FIRRM: variants seen among roughly 807,000 people sequenced by gnomAD.
The protein encoded by FIRRM is FIGNL1 interacting regulator of recombination and mitosis, also known as FIGNL1-interacting regulator of recombination and mitosis.
the FIRRM span, among the ~76,000 whole-genome samples, chr1:169,812,756 C>T: frequency 6.6e-6 from 1 of 151,614 alleles, no homozygotes; most frequent in South Asian, 2.1e-4. Flanking sequence ...ACTTGGGAGG[C>T]TGAGGCAGGA....
At chr1:169,825,332 T>G in the FIRRM span, among the ~76,000 whole-genome samples, 2 of 152,250 alleles carry the variant, frequency 1.3e-5, no homozygotes, top group African/African-American at 4.8e-5. Context: ...TGTTTTATTT[T>G]TCTTCTTTAC....
the FIRRM span, among the ~76,000 whole-genome samples, chr1:169,846,279 A>G: frequency 1.3e-5 from 2 of 152,184 alleles, no homozygotes; most frequent in Non-Finnish European, 2.9e-5. Flanking sequence ...GATAGAGTAC[A>G]TGCAGAGTAG....
the FIRRM span, among the ~76,000 whole-genome samples, chr1:169,819,126 A>G: frequency 2.0e-5 from 3 of 152,218 alleles, no homozygotes; most frequent in Non-Finnish European, 4.4e-5. Flanking sequence ...TAAGTGTCCC[A>G]TTTGTATACT....
chr1:169,803,351 A>G, the FIRRM span: 28 of 1,586,020 alleles, frequency 1.8e-5, no homozygotes, highest in Non-Finnish European at 2.3e-5. Flanking sequence ...TATATAATCA[A>G]TGTGCATAGG....
At chr1:169,844,808 A>G in the FIRRM span, among the ~76,000 whole-genome samples, 1 of 152,200 alleles carries the variant, frequency 6.6e-6, no homozygotes, top group East Asian at 1.9e-4. Flanking sequence ...TAAAATTTCT[A>G]AATAAGTAGA....
At chr1:169,813,465 G>A in the FIRRM span, among the ~76,000 whole-genome samples, 30 of 152,282 alleles carry the variant, frequency 2.0e-4, no homozygotes, top group South Asian at 5.6e-3. Flanking sequence ...TATCTAACAT[G>A]GAAGGTTAAA....
At chr1:169,800,997 A>T in the FIRRM span, 16 of 1,197,844 alleles carry the variant, frequency 1.3e-5, no homozygotes, top group Non-Finnish European at 1.9e-5. Flanking sequence ...CTGAAAATAC[A>T]TGTTATAAGG....
chr1:169,828,552 G>GT, the FIRRM span, among the ~76,000 whole-genome samples: 518 of 146,824 alleles, frequency 3.5e-3, 3 homozygotes, highest in Admixed American at 5.0e-3. Context: ...GTTTTGTTTT[G>GT]TTTTTTTTTT....
chr1:169,825,348 T>G, the FIRRM span, among the ~76,000 whole-genome samples: 1 of 152,226 alleles, frequency 6.6e-6, no homozygotes, highest in African/African-American at 2.4e-5. Flanking sequence ...TTTACAGCAT[T>G]GAATTAACCT....
the FIRRM span, among the ~76,000 whole-genome samples, chr1:169,801,147 T>A: frequency 6.6e-6 from 1 of 151,926 alleles, no homozygotes. Flanking sequence ...ATTAGGCAGT[T>A]AAAAACTGTT....
At chr1:169,800,864 T>A in the FIRRM span, 3 of 1,280,644 alleles carry the variant, frequency 2.3e-6, no homozygotes, top group East Asian at 4.7e-5. Flanking sequence ...TTTTATAAAA[T>A]TTGTTATTTG....
chr1:169,785,389 G>C, the FIRRM span, among the ~76,000 whole-genome samples: 1 of 152,198 alleles, frequency 6.6e-6, no homozygotes, highest in African/African-American at 2.4e-5. Flanking sequence ...TTGGTACCCA[G>C]GTCCTTGTCT....
the FIRRM span, among the ~76,000 whole-genome samples, chr1:169,810,834 ATTTTTTTTTTTTTTTTTTTTTT>A: frequency 1.6e-5 from 1 of 61,208 alleles, no homozygotes; most frequent in East Asian, 5.5e-4. Context: ...TTAGCCCCCA[ATTTTTTTTTTTTTTTTTTTTTT>A]TTTTTTTTTT....
the FIRRM span, chr1:169,827,806 T>C: frequency 6.2e-7 from 1 of 1,614,078 alleles, no homozygotes; most frequent in African/African-American, 1.3e-5. Flanking sequence ...AACCCTGTGG[T>C]GCACAGACAG....
chr1:169,804,299 A>C, the FIRRM span: 3 of 1,123,066 alleles, frequency 2.7e-6, no homozygotes, highest in African/African-American at 4.8e-5. Flanking sequence ...TATCAATTAA[A>C]ATTGTCTCTA....
chr1:169,844,282 G>A, the FIRRM span, among the ~76,000 whole-genome samples: 2 of 152,214 alleles, frequency 1.3e-5, no homozygotes, highest in South Asian at 4.1e-4. Flanking sequence ...GAACCCTTGT[G>A]GTGCCTCAGC....
At chr1:169,849,871 C>A in the FIRRM span, 2 of 489,750 alleles carry the variant, frequency 4.1e-6, no homozygotes, top group African/African-American at 1.9e-5. Flanking sequence ...CAGACACAGT[C>A]TTCCAGCAGA....
At chr1:169,853,039 TA>T in the FIRRM span, 1 of 1,561,522 alleles carries the variant, frequency 6.4e-7, no homozygotes, top group Non-Finnish European at 8.8e-7. Flanking sequence ...TGAAAATACT[TA>T]TGTCTGTACA....
At chr1:169,795,301 AGGCTGGGTTATATTACCGC>A in the FIRRM span, 20 of 1,447,508 alleles carry the variant, frequency 1.4e-5, no homozygotes, top group Non-Finnish European at 1.8e-5. Flanking sequence ...ACCCACCGCC[AGGCTGGGTTATATTACCGC>A]GGCCTGAACC....
Sources: allele counts gnomAD v4.1 joint callset (sites outside exome capture counted in the v4.1 genomes callset), GRCh38; gene constraint gnomAD v4.1.1; transcripts MANE v1.5; gene names NCBI Gene and HGNC (gene_info 2026-07-23, HGNC 2026-07-21).